Variants in TMEM59 observed in about 807,000 individuals in gnomAD.
TMEM59 encodes the protein transmembrane protein 59.
In TMEM59, 44 loss-of-function variants were observed where a neutral mutation model predicts 42.2. That is an observed-to-expected ratio of 1.04 (90% CI 0.82 to 1.34). TMEM59 has a LOEUF of 1.34. TMEM59 is among the 40% of genes most tolerant of loss of function. TMEM59 has a pLI of 0.00. For synonymous variants in TMEM59, 148 were observed against 145.8 expected (o/e 1.02, Z -0.11); for missense variants, 359 against 382.8 (o/e 0.94, Z 0.52).
intron 1 of TMEM59, among the ~76,000 whole-genome samples, chr1:54,052,677 G>A (rs1443096834): frequency 1.3e-5 from 2 of 151,978 alleles, no homozygotes; most frequent in East Asian, 3.9e-4. Flanking sequence ...TGAGGACCCC[G>A]CATTAATCAT....
intron 1 of TMEM59, among the ~76,000 whole-genome samples, chr1:54,050,133 T>C (rs2100335861): frequency 6.6e-6 from 1 of 152,298 alleles, no homozygotes; most frequent in Admixed American, 6.5e-5. Flanking sequence ...CTTTTTTTTT[T>C]TTCTTTTTTT....
intron 6 of TMEM59, among the ~76,000 whole-genome samples, chr1:54,038,208 T>C (rs1657017833): frequency 1.3e-5 from 2 of 152,180 alleles, no homozygotes; most frequent in South Asian, 2.1e-4. Flanking sequence ...CCTCCATATA[T>C]AGTAATGTAC....
intron 6 of TMEM59, chr1:54,036,920 C>T (rs1334858497): frequency 6.0e-6 from 2 of 332,964 alleles, no homozygotes; most frequent in African/African-American, 2.1e-5. Flanking sequence ...TCTTTTTCCT[C>T]CACTTCTAAT....
Position 54,036,625 on chromosome 1 carries a change from C to G in TMEM59, c.801G>C (p.Gln267His). 6.2e-7 allele frequency: 1 copy of G among 1,605,606 alleles called. No homozygotes were observed. The highest frequency in any genetic ancestry group is 1.7e-5 in the Admixed American group (1 of 59,194). The change falls in exon 7 of 8, where the codon CAG becomes CAC. Residue 267 changes from glutamine (Q) to histidine (H), a missense_variant. Physicochemically the swap from Gln to His is conservative, Grantham distance 24. Coordinates refer to ENST00000234831, the MANE Select transcript of TMEM59 (RefSeq NM_004872.5). ...TTAAATTTACCTCAGAGGGAACATACTGCTCCACAGCTGTAGCAACAGTTG... is the reference window on the plus strand; with the variant it reads ...TTAAATTTACCTCAGAGGGAACATAGTGCTCCACAGCTGTAGCAACAGTTG... Reference protein sequence around the residue: ...CCATVATAVEQYVPSEKLSIY... With the variant: ...CCATVATAVEHYVPSEKLSIY...
rs1569926711 is a variant in TMEM59, at chr1:54,030,864, G to T, written c.*1286C>A. ...ACTTATTCTTTAGTCAAACAGCACT[G>T]ATGCAGTTGTCAGCAATGCCCCTGT... On this transcript the variant is annotated 3_prime_UTR_variant, in exon 8 of 8. Transcript: ENST00000234831. 1 of 152,220 alleles carries T rather than the reference G, an allele frequency of 6.6e-6. No homozygotes were observed. The highest frequency in any genetic ancestry group is 1.5e-5 in the Non-Finnish European group (1 of 68,030). 9.4% of individuals were successfully genotyped at this position (152,220 alleles called of 1,614,324 possible).
rs1656696947 is a variant in TMEM59 at position 54,029,397 on chromosome 1, T to G, written c.*2753A>C. The G allele has an allele frequency of 1.3e-5, 2 of 152,308 alleles. No individual in the cohort carries two copies. Among genetic ancestry groups the G allele is most frequent in the Non-Finnish European group, 1.5e-5 (1 of 68,020 alleles). The allele number at this position is 152,308 out of a possible 1,614,324, so 9.4% of individuals were successfully genotyped here. ...TGAGGGACCTGAGCCAAGAAAGACC[T>G]TAGAAGTCTGGGAGGTTTGAACCAG... On this transcript the variant is annotated 3_prime_UTR_variant, in exon 8 of 8. Coordinates refer to ENST00000234831, the MANE Select transcript of TMEM59 (RefSeq NM_004872.5).
rs1162251592 is a variant in TMEM59, at chr1:54,027,959, T to C, written c.*4191A>G. On this transcript the variant is annotated 3_prime_UTR_variant, in exon 8 of 8. Coordinates refer to ENST00000234831, the MANE Select transcript of TMEM59 (RefSeq NM_004872.5). ...TTTACCACTGTACTCACCCCCACCC[T>C]AGACTCTAGTGTAGAACAAGTAGTC... 1 of 152,200 alleles carries C rather than the reference T, an allele frequency of 6.6e-6. No individual in the cohort carries two copies. Among genetic ancestry groups the C allele is most frequent in the Non-Finnish European group, 1.5e-5 (1 of 68,056 alleles). 9.4% of individuals were successfully genotyped at this position (152,200 alleles called of 1,614,324 possible).
chr1:54,051,043 C>T (rs746793786), intron 1 of TMEM59, among the ~76,000 whole-genome samples: 1 of 151,354 alleles, frequency 6.6e-6, no homozygotes, highest in South Asian at 2.1e-4. Flanking sequence ...TTTCCAGAGA[C>T]GGGGTCTTGC....
rs1259378141 is a variant in TMEM59 at position 54,028,994 on chromosome 1, AT to A, written c.*3155del. 1 of 152,198 alleles carries A rather than the reference AT, an allele frequency of 6.6e-6. No homozygotes were observed. The highest frequency in any genetic ancestry group is 2.4e-5 in the African/African-American group (1 of 41,452). 9.4% of individuals were successfully genotyped at this position (152,198 alleles called of 1,614,324 possible). A position where few individuals can be genotyped will look rare whatever the true frequency, so the allele number is the denominator to read the frequency against. On this transcript the variant is annotated 3_prime_UTR_variant, in exon 8 of 8. Transcript: ENST00000234831. ...CAATGATTCCCTACATGTGGACTTGATATTTGAGTCCACAAAAATTATAATG... is the reference window on the plus strand; with the variant it reads ...CAATGATTCCCTACATGTGGACTTGAATTTGAGTCCACAAAAATTATAATG...
At position 54,032,054 on chromosome 1, in the gene TMEM59, T is replaced by A; in HGVS notation, c.*96A>T. On this transcript the variant is annotated 3_prime_UTR_variant, in exon 8 of 8. Coordinates refer to ENST00000234831, the MANE Select transcript of TMEM59 (RefSeq NM_004872.5). ...TAACTTTATTTGCATTTTATAGTGATTTCTTAAGGCCTATATCCAATGAAA... is the reference window on the plus strand; with the variant it reads ...TAACTTTATTTGCATTTTATAGTGAATTCTTAAGGCCTATATCCAATGAAA... The A allele has an allele frequency of 8.9e-7, 1 of 1,127,012 alleles. No homozygotes were observed. Among genetic ancestry groups the A allele is most frequent in the Non-Finnish European group, 1.2e-6 (1 of 843,326 alleles). The allele number at this position is 1,127,012 out of a possible 1,614,324, so 69.8% of individuals were successfully genotyped here.
rs990788512 is a variant in TMEM59, at chr1:54,028,329, A to G, written c.*3821T>C. 2 of 152,206 alleles carry G rather than the reference A, an allele frequency of 1.3e-5. No individual in the cohort carries two copies. The highest frequency in any genetic ancestry group is 2.4e-5 in the African/African-American group (1 of 41,448). 9.4% of individuals were successfully genotyped at this position (152,206 alleles called of 1,614,324 possible). On this transcript the variant is annotated 3_prime_UTR_variant, in exon 8 of 8. Coordinates refer to ENST00000234831, the MANE Select transcript of TMEM59 (RefSeq NM_004872.5). ...TAGTATTCTTGGGTATTAAAAAAAG[A>G]ACTCTGAGGCTAAGATTATTGTTGG... is the stretch of plus-strand genomic sequence containing the variant.
intron 7 of TMEM59, 56 bp from the exon 8 acceptor site, chr1:54,032,361 G>A (rs1439018813): frequency 7.2e-7 from 1 of 1,396,502 alleles, no homozygotes; most frequent in Non-Finnish European, 9.4e-7. Flanking sequence ...ACCTCTCCAA[G>A]TTAGTCTTTA....
intron 3 of TMEM59, chr1:54,045,422 T>A (rs975289850): frequency 2.9e-5 from 11 of 373,198 alleles, no homozygotes; most frequent in Non-Finnish European, 4.8e-5. Context: ...GAGCCTTGGT[T>A]TTTTCATATG....
At chr1:54,053,478 G>C, upstream of TMEM59, 1 of 416,250 alleles carries the variant, frequency 2.4e-6, no homozygotes, top group South Asian at 3.4e-5. Context: ...GGGGCATGTA[G>C]TTCTCCGTAG....
chr1:54,044,431 T>C (rs1267826531), intron 3 of TMEM59: 1 of 149,626 alleles, frequency 6.7e-6, no homozygotes, highest in Non-Finnish European at 1.5e-5. Flanking sequence ...ACTGGGCCTC[T>C]CTAAAGCACA....
Position 54,027,761 on chromosome 1 carries a change from ACT to A in TMEM59, c.*4387_*4388del, listed in dbSNP as rs1378576677. On this transcript the variant is annotated 3_prime_UTR_variant, in exon 8 of 8. Coordinates refer to ENST00000234831, the MANE Select transcript of TMEM59 (RefSeq NM_004872.5). ...ACTCCAGCCTGAGTAACAGTGTGAG[ACT>A]CTGTCTCAAAAAAAAAAAAAGTGAA... The A allele has an allele frequency of 6.8e-6, 1 of 147,408 alleles. No individual in the cohort carries two copies. The highest frequency in any genetic ancestry group is 1.9e-4 in the East Asian group (1 of 5,134). 9.1% of individuals were successfully genotyped at this position (147,408 alleles called of 1,614,324 possible).
upstream of TMEM59, chr1:54,053,411 T>A: frequency 3.5e-6 from 2 of 576,606 alleles, no homozygotes; most frequent in Non-Finnish European, 3.0e-6. Context: ...AATTCAACCA[T>A]CGCAAGCGTT....
chr1:54,039,283 T>TAA (rs146237174), intron 6 of TMEM59, among the ~76,000 whole-genome samples: 335 of 152,144 alleles, frequency 2.2e-3, no homozygotes, highest in African/African-American at 7.7e-3. Context: ...GTGTTAGATG[T>TAA]AAAAAAACAA....
chr1:54,053,232 T>C (rs774930069), upstream of TMEM59: 1 of 1,602,244 alleles, frequency 6.2e-7, no homozygotes, highest in Non-Finnish European at 8.5e-7. Context: ...TGCTGTTTTC[T>C]CGGAAGGGTT....
Sources: allele counts gnomAD v4.1 joint callset (sites outside exome capture counted in the v4.1 genomes callset), GRCh38; gene constraint gnomAD v4.1.1; transcripts MANE v1.5; gene names NCBI Gene and HGNC (gene_info 2026-07-23, HGNC 2026-07-21).